Variants in USP46 observed in about 807,000 individuals in gnomAD.
The protein encoded by USP46 is ubiquitin specific peptidase 46, also known as ubiquitin carboxyl-terminal hydrolase 46.
Under a neutral mutation model 44.4 loss-of-function variants are expected in USP46, and 12 were observed. The ratio of observed to expected loss-of-function variants is 0.27; its 90% CI spans 0.17 to 0.44. The LOEUF (loss-of-function observed/expected upper bound fraction) is 0.44. USP46 is among the 20% of genes least tolerant of loss of function. The pLI, the probability that USP46 is intolerant of heterozygous loss-of-function variation, is 1.00. For missense variants in USP46, 248 were observed against 444.8 expected (o/e 0.56, Z 3.98); for synonymous variants, 155 against 161.5 (o/e 0.96, Z 0.31).
At chr4:52,642,256 C>A (rs1310173766) in intron 1 of USP46, among the ~76,000 whole-genome samples, 2 of 152,198 alleles carry the variant, frequency 1.3e-5, no homozygotes, top group Non-Finnish European at 2.9e-5. Context: ...TGTACAGTTA[C>A]TGTTCTAGGG....
At chr4:52,607,968 G>A (rs751393959) in intron 5 of USP46, among the ~76,000 whole-genome samples, 11 of 152,166 alleles carry the variant, frequency 7.2e-5, no homozygotes, top group Non-Finnish European at 8.8e-5. Flanking sequence ...ATGTGGGAAT[G>A]GACTAATACA....
At chr4:52,646,275 C>G (rs571894959) in intron 1 of USP46, among the ~76,000 whole-genome samples, 1 of 152,292 alleles carries the variant, frequency 6.6e-6, no homozygotes, top group African/African-American at 2.4e-5. Flanking sequence ...GTGCGGCAAC[C>G]CGGCCCTCGG....
intron 1 of USP46, among the ~76,000 whole-genome samples, chr4:52,647,631 A>T (rs188939886): frequency 9.8e-5 from 15 of 152,372 alleles, no homozygotes; most frequent in African/African-American, 3.4e-4. Flanking sequence ...ACTAGTGACA[A>T]CAAAAGCTTG....
chr4:52,644,901 C>CA (rs1389796794), intron 1 of USP46, among the ~76,000 whole-genome samples: 1 of 151,966 alleles, frequency 6.6e-6, no homozygotes, highest in Non-Finnish European at 1.5e-5. Context: ...ACTAAAAATA[C>CA]AAAAAATTAG....
chr4:52,653,543 TGGCCTTTTCTCTTAAAGACCACCAA>T (rs1718846933), intron 1 of USP46, among the ~76,000 whole-genome samples: 1 of 146,988 alleles, frequency 6.8e-6, no homozygotes, highest in Admixed American at 6.8e-5. Context: ...GATTTTTGGG[TGGCCTTTTCTCTTAAAGACCACCAA>T]GGCCTTTCAA....
chr4:52,647,116 G>A (rs1177762241), intron 1 of USP46, among the ~76,000 whole-genome samples: 2 of 152,188 alleles, frequency 1.3e-5, no homozygotes, highest in Non-Finnish European at 2.9e-5. Flanking sequence ...AGTGAATTCA[G>A]TAGACTCAAG....
rs1188779355 is a variant in USP46, at chr4:52,591,970, T to C, written c.*5670A>G. On this transcript the variant is annotated 3_prime_UTR_variant, in exon 9 of 9. Coordinates refer to ENST00000441222, the MANE Select transcript of USP46 (RefSeq NM_022832.4). The stretch of plus-strand genomic sequence containing the variant: ...ACATAATCGATTTATACTTTGTTTT[T>C]CAAAATGTGTTGTCCCTGAGCTAGA... 1 of 152,206 alleles carries C rather than the reference T, an allele frequency of 6.6e-6. No homozygotes were observed. Among genetic ancestry groups the C allele is most frequent in the African/African-American group, 2.4e-5 (1 of 41,446 alleles). 9.4% of individuals were successfully genotyped at this position (152,206 alleles called of 1,614,324 possible). A position where few individuals can be genotyped will look rare whatever the true frequency, so the allele number is the denominator to read the frequency against.
chr4:52,601,663 TC>T (rs1560390578), intron 7 of USP46, among the ~76,000 whole-genome samples, 193 bp downstream of exon 7: 1 of 152,248 alleles, frequency 6.6e-6, no homozygotes, highest in Non-Finnish European at 1.5e-5. Context: ...ATTTAGATTA[TC>T]ATTACTGGAA....
chr4:52,643,295 A>G (rs1718420548), intron 1 of USP46, among the ~76,000 whole-genome samples: 1 of 152,200 alleles, frequency 6.6e-6, no homozygotes. Flanking sequence ...AATCTGTAAC[A>G]TCATAATTGT....
Position 52,597,465 on chromosome 4 carries a change from C to A in USP46, c.*175G>T. 1.8e-6 allele frequency: 1 copy of A among 560,306 alleles called. No homozygotes were observed. The highest frequency in any genetic ancestry group is 2.3e-5 in the South Asian group (1 of 44,428). 34.7% of individuals were successfully genotyped at this position (560,306 alleles called of 1,614,324 possible). A position where few individuals can be genotyped will look rare whatever the true frequency, so the allele number is the denominator to read the frequency against. On this transcript the variant is annotated 3_prime_UTR_variant, in exon 9 of 9. Coordinates refer to ENST00000441222, the MANE Select transcript of USP46 (RefSeq NM_022832.4). The stretch of plus-strand genomic sequence containing the variant: ...ACTCTATGTCAGACTGAAATAAAAC[C>A]AAGAGTAGTGCTGCATGTAAAAACA...
intron 5 of USP46, among the ~76,000 whole-genome samples, chr4:52,606,694 A>G (rs1716700362): frequency 6.6e-6 from 1 of 152,232 alleles, no homozygotes; most frequent in Non-Finnish European, 1.5e-5. Flanking sequence ...AGCCTGGACT[A>G]TGCTACCAAG....
intron 2 of USP46, 79 bp from the exon 3 acceptor site, chr4:52,628,242 GGTCCCTGCTCCGTGAACTGGCCTGGAT>G: frequency 6.9e-7 from 1 of 1,446,198 alleles, no homozygotes; most frequent in Non-Finnish European, 9.5e-7. Flanking sequence ...AGGGTGAGAA[GGTCCCTGCTCCGTGAACTGGCCTGGAT>G]GTCCCTGTAT....
chr4:52,648,826 G>A (rs73135536), intron 1 of USP46, among the ~76,000 whole-genome samples: 339 of 152,154 alleles, frequency 2.2e-3, no homozygotes, highest in African/African-American at 7.7e-3. Flanking sequence ...AACCTTAGAG[G>A]GACCTACCTC....
intron 4 of USP46, among the ~76,000 whole-genome samples, chr4:52,617,784 C>T (rs1486454239): frequency 6.6e-6 from 1 of 151,976 alleles, no homozygotes. Context: ...GAAAAGAAAA[C>T]CATTTTCTTC....
intron 8 of USP46, 72 bp from the exon 9 acceptor site, chr4:52,597,813 G>T: frequency 9.3e-7 from 1 of 1,073,008 alleles, no homozygotes; most frequent in Non-Finnish European, 1.3e-6. Context: ...AAAAACTAAT[G>T]GAATATATAT....
rs1213130427 is a variant in USP46 at position 52,602,084 on chromosome 4, G to A, written c.723-30C>T. 4 of 1,599,618 alleles carry A rather than the reference G, an allele frequency of 2.5e-6. No individual in the cohort carries two copies. The South Asian group carries it at 3.4e-5, about 14-fold the overall frequency. ...GAAACCAAGAAATAGAAAATCAGTT[G>A]TACCCAACACCTATTAGGGGAAGAG... On this transcript the variant is annotated intron_variant, in intron 6 of 8. Transcript: ENST00000441222.
At chr4:52,616,519 T>C (rs1269120508) in intron 4 of USP46, among the ~76,000 whole-genome samples, 1 of 152,170 alleles carries the variant, frequency 6.6e-6, no homozygotes, top group Non-Finnish European at 1.5e-5. Context: ...ATTAGAGGCA[T>C]GGGCCACCAC....
At chr4:52,635,729 C>T (rs959160321) in intron 1 of USP46, among the ~76,000 whole-genome samples, 2 of 152,118 alleles carry the variant, frequency 1.3e-5, no homozygotes, top group African/African-American at 2.4e-5. Flanking sequence ...ATACACACAC[C>T]CACACTGCCC....
chr4:52,656,341 GT>G, intron 1 of USP46: 1 of 1,379,912 alleles, frequency 7.2e-7, no homozygotes, highest in Non-Finnish European at 9.6e-7. Flanking sequence ...GAGAGGTCCA[GT>G]TAATATTTAC....
Sources: gnomAD v4.1 joint callset for allele counts (sites outside exome capture counted in the v4.1 genomes callset) on GRCh38, gnomAD v4.1.1 for gene constraint, MANE v1.5 for transcripts, NCBI Gene and HGNC (gene_info 2026-07-23, HGNC 2026-07-21) for gene names.